The following ZMYND11 variants were observed in gnomAD, a reference collection of about 807,000 sequenced individuals.
ZMYND11 encodes zinc finger MYND domain-containing protein 11.
In ZMYND11, 9 loss-of-function variants were observed where a neutral mutation model predicts 84.9. The ratio of observed to expected loss-of-function variants is 0.11; its 90% CI spans 0.06 to 0.18. The LOEUF is 0.18. Among genes scored for constraint, ZMYND11 ranks in the 10% least tolerant of loss-of-function variants. ZMYND11 has a pLI of 1.00. For missense variants in ZMYND11, 409 were observed against 761.0 expected, an observed-to-expected ratio of 0.54 and a Z score of 5.44; for synonymous variants, 250 against 244.1, an observed-to-expected ratio of 1.02 and a Z score of -0.23.
chr10:249,444 G>T (rs753784675), intron 14 of ZMYND11: 146 of 984,970 alleles, frequency 1.5e-4, no homozygotes, highest in Non-Finnish European at 1.7e-4. Flanking sequence ...ACATCCAAAT[G>T]GTGAAATTAT....
intron 1 of ZMYND11, among the ~76,000 whole-genome samples, chr10:176,701 G>A (rs145366266): frequency 1.2e-3 from 184 of 152,206 alleles, no homozygotes; most frequent in African/African-American, 4.3e-3. Context: ...GAATACAGAG[G>A]ACAATTGAGT....
intron 2 of ZMYND11, among the ~76,000 whole-genome samples, chr10:190,148 G>A (rs888471673): frequency 7.2e-5 from 11 of 152,276 alleles, no homozygotes; most frequent in Non-Finnish European, 1.5e-4. Flanking sequence ...ACCGCAGCTG[G>A]ATTGACTCGA....
chr10:246,094 CT>C (rs1373978814), intron 10 of ZMYND11, among the ~76,000 whole-genome samples: 2 of 152,136 alleles, frequency 1.3e-5, no homozygotes, highest in Non-Finnish European at 2.9e-5. Flanking sequence ...AAAAAGTGTT[CT>C]TTCCAACAGA....
intron 2 of ZMYND11, among the ~76,000 whole-genome samples, chr10:202,005 T>C (rs1476992544): frequency 1.3e-5 from 2 of 152,124 alleles, no homozygotes; most frequent in African/African-American, 4.8e-5. Flanking sequence ...TATAAGAAAA[T>C]GAGAGACCTG....
At chr10:235,360 T>C (rs1398242169) in intron 4 of ZMYND11, among the ~76,000 whole-genome samples, 1 of 152,114 alleles carries the variant, frequency 6.6e-6, no homozygotes, top group Non-Finnish European at 1.5e-5. Context: ...TAAGTTCTTC[T>C]GTTAGTTTTC....
At chr10:148,925 T>TTAAA (rs1240446107) in intron 1 of ZMYND11, among the ~76,000 whole-genome samples, 1 of 152,212 alleles carries the variant, frequency 6.6e-6, no homozygotes, top group Non-Finnish European at 1.5e-5. Context: ...ATACATAATT[T>TTAAA]TGTCAGTTTT....
intron 2 of ZMYND11, among the ~76,000 whole-genome samples, chr10:207,926 A>G (rs1401004927): frequency 6.6e-6 from 1 of 152,228 alleles, no homozygotes; most frequent in Non-Finnish European, 1.5e-5. Context: ...CCAAAACAGC[A>G]TGGTACTGGT....
At chr10:162,531 C>T (rs1219086252) in intron 1 of ZMYND11, among the ~76,000 whole-genome samples, 2 of 151,854 alleles carry the variant, frequency 1.3e-5, no homozygotes, top group Non-Finnish European at 2.9e-5. Context: ...AGCAGTATCC[C>T]TCAATTCTTA....
intron 1 of ZMYND11, among the ~76,000 whole-genome samples, chr10:144,905 T>A (rs1207585158): frequency 6.6e-6 from 1 of 150,488 alleles, no homozygotes; most frequent in Non-Finnish European, 1.5e-5. Context: ...AAGAGATTTT[T>A]AAAATTTCTT....
rs750405571 is a variant in ZMYND11 at position 252,339 on chromosome 10, T to C, written c.1687-9T>C. ...AAGTCTAAAGACTGCCCCGATTTCT[T>C]ACCTGCAGTGCTACAACTGTGAGGA... is the stretch of plus-strand genomic sequence containing the variant. On this transcript the variant is annotated splice_polypyrimidine_tract_variant and intron_variant, in intron 14 of 14. Coordinates refer to ENST00000381604, the MANE Select transcript of ZMYND11 (RefSeq NM_001370100.5). The surrounding 1 kb of genome is among the most constrained non-coding windows in gnomAD (Gnocchi z 4.6). 5.0e-6 allele frequency: 8 copies of C among 1,613,610 alleles called. No individual in the cohort carries two copies. The highest frequency in any genetic ancestry group is 2.7e-5 in the African/African-American group (2 of 74,904).
upstream of ZMYND11, among the ~76,000 whole-genome samples, chr10:133,291 A>G (rs781783053): frequency 2.0e-5 from 3 of 152,218 alleles, no homozygotes; most frequent in African/African-American, 4.8e-5. Flanking sequence ...GTATTTATTA[A>G]TAGTTTTATT....
intron 2 of ZMYND11, among the ~76,000 whole-genome samples, chr10:191,496 G>C (rs1185902437): frequency 6.6e-6 from 1 of 152,124 alleles, no homozygotes; most frequent in Non-Finnish European, 1.5e-5. Context: ...ATTTATCCCA[G>C]GTCACGTGTT....
At chr10:145,574 C>T (rs1443632984) in intron 1 of ZMYND11, among the ~76,000 whole-genome samples, 4 of 152,168 alleles carry the variant, frequency 2.6e-5, no homozygotes, top group African/African-American at 7.2e-5. Flanking sequence ...TTTTGACTTT[C>T]TGATAGTCAC....
chr10:221,725 C>T (rs1167263538), intron 4 of ZMYND11, among the ~76,000 whole-genome samples: 1 of 152,132 alleles, frequency 6.6e-6, no homozygotes. Flanking sequence ...AAACAGTTAG[C>T]AAAAGGCACA....
chr10:230,114 GA>G (rs1366126269), intron 4 of ZMYND11, among the ~76,000 whole-genome samples: 3 of 152,104 alleles, frequency 2.0e-5, no homozygotes, highest in Non-Finnish European at 4.4e-5. Context: ...TTTATGTGTA[GA>G]TTAGTATTTC....
intron 1 of ZMYND11, among the ~76,000 whole-genome samples, chr10:172,293 T>G (rs1845523555): frequency 1.3e-5 from 2 of 152,030 alleles, no homozygotes; most frequent in Non-Finnish European, 2.9e-5. Context: ...GCAAATAGAT[T>G]GGGAAAAAAG....
At chr10:134,964 C>A (rs1290795624), upstream of ZMYND11, 3 of 149,628 alleles carry the variant, frequency 2.0e-5, no homozygotes, top group East Asian at 2.0e-4. Context: ...CGCGCAAGTC[C>A]GGCGCCAGCC....
intron 1 of ZMYND11, among the ~76,000 whole-genome samples, chr10:138,109 CG>C (rs1239403145): frequency 2.8e-5 from 4 of 144,788 alleles, no homozygotes; most frequent in African/African-American, 7.7e-5. Flanking sequence ...ATTCTGTTGG[CG>C]TTTTTTTTTT....
chr10:238,023 A>G (rs1463021281), intron 6 of ZMYND11, among the ~76,000 whole-genome samples: 1 of 152,212 alleles, frequency 6.6e-6, no homozygotes, highest in African/African-American at 2.4e-5. Flanking sequence ...TAGCAGTGGT[A>G]CCTGAGAGTT....
Sources: allele counts gnomAD v4.1 joint callset (sites outside exome capture counted in the v4.1 genomes callset), GRCh38; gene constraint gnomAD v4.1.1; non-coding constraint Gnocchi (gnomAD v3.1); transcripts MANE v1.5; gene names NCBI Gene and HGNC (gene_info 2026-07-23, HGNC 2026-07-21).